Variants in CSNK1G3 observed in about 807,000 individuals in gnomAD.
The protein encoded by CSNK1G3 is casein kinase 1 gamma 3.
A neutral mutation model predicts 64.3 loss-of-function variants in CSNK1G3; 23 were observed. The observed-to-expected ratio is 0.36, with a 90% CI of 0.26 to 0.51. The LOEUF (loss-of-function observed/expected upper bound fraction) is 0.51, where lower values mean the gene tolerates loss of function less well. Ranked by LOEUF, CSNK1G3 falls within the 20% of genes least tolerant of loss-of-function variation. The pLI is 0.96. For missense variants in CSNK1G3, 357 were observed against 510.5 expected (o/e 0.70, Z 2.90); for synonymous variants, 158 against 162.2 (o/e 0.97, Z 0.20).
chr5:123,587,807 A>G (rs1255138761), intron 6 of CSNK1G3, among the ~76,000 whole-genome samples: 1 of 152,214 alleles, frequency 6.6e-6, no homozygotes, highest in East Asian at 1.9e-4. Context: ...ACTTCCATGA[A>G]TAGACATCTA....
intron 4 of CSNK1G3, among the ~76,000 whole-genome samples, chr5:123,568,213 G>T (rs1787317159): frequency 6.6e-6 from 1 of 152,172 alleles, no homozygotes. Context: ...ATTTGCTGAG[G>T]ATACTTCTCA....
intron 1 of CSNK1G3, among the ~76,000 whole-genome samples, chr5:123,535,506 G>C (rs1035480925): frequency 6.6e-6 from 1 of 151,888 alleles, no homozygotes; most frequent in African/African-American, 2.4e-5. Flanking sequence ...AACATACTAA[G>C]ACTCTTACTA....
chr5:123,524,055 C>T (rs910614631), intron 1 of CSNK1G3, among the ~76,000 whole-genome samples: 1 of 152,166 alleles, frequency 6.6e-6, no homozygotes, highest in Non-Finnish European at 1.5e-5. Context: ...CTGCAGCAAC[C>T]CCTTAATAGA....
intron 12 of CSNK1G3, among the ~76,000 whole-genome samples, chr5:123,613,409 GCA>G (rs1748838737): frequency 7.8e-6 from 1 of 128,760 alleles, no homozygotes; most frequent in Non-Finnish European, 1.7e-5. Flanking sequence ...CATGTCCAGT[GCA>G]TGTGTGTGTG....
At chr5:123,563,996 T>C (rs555785239) in intron 4 of CSNK1G3, among the ~76,000 whole-genome samples, 144 of 152,182 alleles carry the variant, frequency 9.5e-4, no homozygotes, top group Non-Finnish European at 1.5e-3. Flanking sequence ...AAATTGCTTT[T>C]AGAAGAAGTT....
At chr5:123,551,593 A>G (rs1783661717) in intron 2 of CSNK1G3, among the ~76,000 whole-genome samples, 1 of 152,176 alleles carries the variant, frequency 6.6e-6, no homozygotes, top group African/African-American at 2.4e-5. Flanking sequence ...TAATATTTGT[A>G]TAAATAAACA....
exon 2 of CSNK1G3, chr5:123,545,762 G>A (rs146622169): frequency 5.1e-5 from 83 of 1,613,584 alleles, no homozygotes; most frequent in South Asian, 2.6e-4. Flanking sequence ...GGTCTTCATC[G>A]TCTGGAGTTT....
At position 123,557,581 on chromosome 5, in the gene CSNK1G3, A is replaced by C; in HGVS notation, c.289+17A>C. 6.7e-7 allele frequency: 1 copy of C among 1,483,766 alleles called. No individual in the cohort carries two copies. Among genetic ancestry groups the C allele is most frequent in the Non-Finnish European group, 9.2e-7 (1 of 1,087,714 alleles). 91.9% of individuals were successfully genotyped at this position (1,483,766 alleles called of 1,614,324 possible). A position where few individuals can be genotyped will look rare whatever the true frequency, so the allele number is the denominator to read the frequency against. On this transcript the variant is annotated intron_variant, in intron 4 of 12. Transcript: ENST00000345990. ...GATCTGGAGGTAAAGTCTTATATTA[A>C]TTTTTAAATTTGAAATAAAGTGGAT...
In CSNK1G3 at chr5:123,590,599, T is replaced by A. The variant is rs764413553; in HGVS notation, c.990+41T>A. On this transcript the variant is annotated intron_variant, in intron 9 of 12. Transcript: ENST00000345990. Reference sequence around the variant, plus strand: ...AATAATATATTACTTACAGTATCTGTTGCCTTTTTAATAGTACAATATCTT... The same window carrying A: ...AATAATATATTACTTACAGTATCTGATGCCTTTTTAATAGTACAATATCTT... The A allele has an allele frequency of 1.3e-5, 17 of 1,266,008 alleles. No individual in the cohort carries two copies. In the African/African-American group the frequency reaches 2.5e-4, roughly 19 times the overall value. The allele number at this position is 1,266,008 out of a possible 1,614,324, so 78.4% of individuals were successfully genotyped here.
At chr5:123,545,528 G>C in exon 2 of CSNK1G3, 1 of 629,922 alleles carries the variant, frequency 1.6e-6, no homozygotes, top group Admixed American at 3.2e-5. Context: ...CCAGTTAATT[G>C]ACTACCTACT....
intron 12 of CSNK1G3, among the ~76,000 whole-genome samples, chr5:123,611,541 C>T (rs965483085): frequency 6.6e-6 from 1 of 152,178 alleles, no homozygotes; most frequent in Non-Finnish European, 1.5e-5. Flanking sequence ...GAACTCAACT[C>T]TCAGAACTCT....
At chr5:123,586,326 G>T (rs566252572) in intron 6 of CSNK1G3, among the ~76,000 whole-genome samples, 5 of 152,262 alleles carry the variant, frequency 3.3e-5, no homozygotes, top group South Asian at 4.1e-4. Flanking sequence ...CTTGATTGTG[G>T]TGGTAGTTAT....
At chr5:123,512,470 G>C (rs1427101063) in exon 1 of CSNK1G3, 1 of 152,038 alleles carries the variant, frequency 6.6e-6, no homozygotes, top group African/African-American at 2.4e-5. Context: ...GGCCGCCGGC[G>C]GGTGTGATGT....
intron 4 of CSNK1G3, among the ~76,000 whole-genome samples, chr5:123,563,626 G>T (rs1786227856): frequency 6.6e-6 from 1 of 151,950 alleles, no homozygotes; most frequent in African/African-American, 2.4e-5. Context: ...GAAGTATTAT[G>T]GGTAATAGTA....
At chr5:123,576,305 G>T (rs1428970032) in intron 6 of CSNK1G3, among the ~76,000 whole-genome samples, 3 of 152,120 alleles carry the variant, frequency 2.0e-5, no homozygotes, top group Admixed American at 6.6e-5. Context: ...TTCAGTACAT[G>T]TGGAAATTTT....
intron 1 of CSNK1G3, among the ~76,000 whole-genome samples, chr5:123,520,549 A>G (rs1466967343): frequency 1.3e-5 from 2 of 151,184 alleles, no homozygotes; most frequent in Non-Finnish European, 2.9e-5. Context: ...ATTTTAATAT[A>G]TAACTGCTTT....
chr5:123,594,210 T>G (rs1170400468), intron 10 of CSNK1G3, among the ~76,000 whole-genome samples: 1 of 152,196 alleles, frequency 6.6e-6, no homozygotes, highest in Non-Finnish European at 1.5e-5. Context: ...TCCCTACTTT[T>G]TATTAGTGTT....
chr5:123,533,648 T>G (rs1174623898), intron 1 of CSNK1G3, among the ~76,000 whole-genome samples: 1 of 151,704 alleles, frequency 6.6e-6, no homozygotes, highest in Non-Finnish European at 1.5e-5. Context: ...TTCCCCCACT[T>G]TGTTCTTGTT....
chr5:123,578,946 A>G (rs1033148271), intron 6 of CSNK1G3, among the ~76,000 whole-genome samples: 1 of 152,002 alleles, frequency 6.6e-6, no homozygotes, highest in African/African-American at 2.4e-5. Flanking sequence ...GCTTTTAGAT[A>G]TTATTCTGCT....
Sources: allele counts gnomAD v4.1 joint callset (sites outside exome capture counted in the v4.1 genomes callset), GRCh38; gene constraint gnomAD v4.1.1; transcripts MANE v1.5; gene names NCBI Gene and HGNC (gene_info 2026-07-23, HGNC 2026-07-21).